Variants in GXYLT2 observed in about 807,000 individuals in gnomAD.
GXYLT2 encodes glycosyltransferase 8 domain containing 4.
A neutral mutation model predicts 45.8 loss-of-function variants in GXYLT2; 53 were observed. The observed-to-expected ratio is 1.16, with a 90% CI of 0.93 to 1.46. The LOEUF (loss-of-function observed/expected upper bound fraction) is 1.46, where lower values mean the gene tolerates loss of function less well. GXYLT2 is among the 40% of genes most tolerant of loss of function. GXYLT2 has a pLI of 0.00. For synonymous variants in GXYLT2, 219 were observed against 214.2 expected, an observed-to-expected ratio of 1.02 and a Z score of -0.19; for missense variants, 551 against 544.4, an observed-to-expected ratio of 1.01 and a Z score of -0.12.
intron 2 of GXYLT2, among the ~76,000 whole-genome samples, chr3:72,910,631 G>A (rs1206476704): frequency 6.6e-6 from 1 of 152,184 alleles, no homozygotes; most frequent in Non-Finnish European, 1.5e-5. Flanking sequence ...TTAGGTTTGG[G>A]ACGGAAGTAG....
In GXYLT2 at chr3:72,902,760, A is replaced by G. The variant is rs538461544; in HGVS notation, c.276-5607A>G. Reference sequence around the variant, plus strand: ...CCAGGCATGGTGGCTCATGCCTGTAATCCCAGCACTTTGGGAGGCCAAGGC... The same window carrying G: ...CCAGGCATGGTGGCTCATGCCTGTAGTCCCAGCACTTTGGGAGGCCAAGGC... On this transcript the variant is annotated intron_variant, in intron 1 of 6. Transcript: ENST00000389617. Among the ~76,000 whole-genome samples, 877 of 146,662 alleles carry G rather than the reference A, an allele frequency of 6.0e-3. 11 individuals are homozygous for G. Among genetic ancestry groups the G allele is most frequent in the African/African-American group, 0.02 (811 of 40,486 alleles).
At chr3:72,950,628 TAA>T (rs36027041) in intron 3 of GXYLT2, among the ~76,000 whole-genome samples, 1 of 145,392 alleles carries the variant, frequency 6.9e-6, no homozygotes, top group Non-Finnish European at 1.5e-5. Context: ...AAACCCTGTC[TAA>T]AAAAAAAAAA....
At chr3:72,889,199 A>G (rs1709130440) in intron 1 of GXYLT2, among the ~76,000 whole-genome samples, 1 of 152,070 alleles carries the variant, frequency 6.6e-6, no homozygotes, top group Non-Finnish European at 1.5e-5. Flanking sequence ...TTTTCATCAG[A>G]GAGCTTTATT....
chr3:72,902,980 C>T (rs1206557704), intron 1 of GXYLT2, among the ~76,000 whole-genome samples: 1 of 152,140 alleles, frequency 6.6e-6, no homozygotes, highest in Non-Finnish European at 1.5e-5. Context: ...CCATTGCACT[C>T]CAGCCTTTGC....
chr3:72,945,593 G>A lies in GXYLT2; in HGVS notation c.601-9505G>A, dbSNP rs190502994. Among the ~76,000 whole-genome samples, 291 of 152,300 alleles carry A rather than the reference G, an allele frequency of 1.9e-3. 3 individuals carry two copies. Among genetic ancestry groups the A allele is most frequent in the Admixed American group, 0.011 (168 of 15,292 alleles). ...ATGAAGAGAAAATGGAAGGAAGGAA[G>A]GGGGAGCCCTCTGGGAAAATCTTTC... On this transcript the variant is annotated intron_variant, in intron 3 of 6. Coordinates refer to ENST00000389617, the MANE Select transcript of GXYLT2 (RefSeq NM_001080393.2).
In GXYLT2 at chr3:72,958,635, T is replaced by G. The variant is rs1433560882; in HGVS notation, c.976+1283T>G. On this transcript the variant is annotated intron_variant, in intron 5 of 6. Coordinates refer to ENST00000389617, the MANE Select transcript of GXYLT2 (RefSeq NM_001080393.2). Reference sequence around the variant, plus strand: ...CTTAGCTGTTCACTTGTGGCTTTTTTTTTTTTTTTTTTTTGGGACAGAGTC... The same window carrying G: ...CTTAGCTGTTCACTTGTGGCTTTTTGTTTTTTTTTTTTTTGGGACAGAGTC... Among the ~76,000 whole-genome samples, 17 of 148,506 alleles carry G rather than the reference T, an allele frequency of 1.1e-4. No homozygotes were observed. In the South Asian group the frequency reaches 3.7e-3, roughly 32 times the overall value.
rs956183922 is a variant in GXYLT2, at chr3:72,908,635, A to C, written c.468+76A>C. ...CATTTTAGGAACTGCATATTCTGTT[A>C]ACTAATGTATTTTGCTGCATGTTCA... On this transcript the variant is annotated intron_variant, in intron 2 of 6. Transcript: ENST00000389617. 2.6e-6 allele frequency: 3 copies of C among 1,175,404 alleles called. No homozygotes were observed. The African/African-American group carries it at 4.6e-5, about 18-fold the overall frequency. 72.8% of individuals were successfully genotyped at this position (1,175,404 alleles called of 1,614,324 possible).
intron 1 of GXYLT2, among the ~76,000 whole-genome samples, chr3:72,900,969 A>G (rs1047644077): frequency 5.9e-5 from 9 of 151,680 alleles, no homozygotes; most frequent in Non-Finnish European, 1.2e-4. Context: ...CCTGGCCAAC[A>G]TGGTGCAACC....
intron 3 of GXYLT2, among the ~76,000 whole-genome samples, chr3:72,928,184 GA>G (rs2107109029): frequency 1.3e-5 from 2 of 152,332 alleles, no homozygotes; most frequent in East Asian, 1.9e-4. Context: ...GAGCCCTGTG[GA>G]ATTGCTCCCC....
chr3:72,898,733 T>C (rs1194012236), intron 1 of GXYLT2, among the ~76,000 whole-genome samples: 1 of 150,228 alleles, frequency 6.7e-6, no homozygotes, highest in Non-Finnish European at 1.5e-5. Flanking sequence ...CTTTTTCTTT[T>C]CTTTTCTTTT....
At chr3:72,942,823 A>T (rs78389524) in intron 3 of GXYLT2, among the ~76,000 whole-genome samples, 8 of 152,186 alleles carry the variant, frequency 5.3e-5, no homozygotes, top group Non-Finnish European at 7.3e-5. Flanking sequence ...TGACAAATAA[A>T]TTCAGTGTTT....
In GXYLT2 at chr3:72,930,174, C is replaced by CAA. The variant is rs5850088; in HGVS notation, c.600+7849_600+7850dup. 6.7e-3 allele frequency among the ~76,000 whole-genome samples: 991 copies of CAA among 147,452 alleles called. 5 individuals are homozygous for CAA. The highest frequency in any genetic ancestry group is 9.1e-3 in the Admixed American group (135 of 14,844). On this transcript the variant is annotated intron_variant, in intron 3 of 6. Transcript: ENST00000389617. ...AGGGCGAAACTCCATCTCAAAAAAA[C>CAA]AAAAAAAAAAACAGAGTTGCAGTTA...
At chr3:72,927,655 G>A (rs1709944363) in intron 3 of GXYLT2, among the ~76,000 whole-genome samples, 1 of 151,980 alleles carries the variant, frequency 6.6e-6, no homozygotes, top group African/African-American at 2.4e-5. Context: ...ACACATATAG[G>A]AATATATTAA....
intron 1 of GXYLT2, among the ~76,000 whole-genome samples, chr3:72,889,376 C>A (rs1033426426): frequency 6.6e-6 from 1 of 152,152 alleles, no homozygotes; most frequent in African/African-American, 2.4e-5. Context: ...GTTTGCTGGG[C>A]TCCTTAATTT....
chr3:72,899,030 C>T (rs557900451), intron 1 of GXYLT2, among the ~76,000 whole-genome samples: 1 of 152,296 alleles, frequency 6.6e-6, no homozygotes, highest in South Asian at 2.1e-4. Flanking sequence ...CGCGCCCGGC[C>T]AGAGAGGGCT....
At position 72,967,684 on chromosome 3, in the gene GXYLT2, C is replaced by T; in HGVS notation, c.1114C>T (p.Pro372Ser). The T allele has an allele frequency of 1.2e-6, 2 of 1,613,924 alleles. No individual in the cohort carries two copies. Among genetic ancestry groups the T allele is most frequent in the Non-Finnish European group, 1.7e-6 (2 of 1,179,858 alleles). Residue 372 changes from proline to serine, a missense_variant, in exon 6 of 7, where the codon CCA becomes TCA. Physicochemically the swap from Pro to Ser is moderately conservative, Grantham distance 74. Coordinates refer to ENST00000389617, the MANE Select transcript of GXYLT2 (RefSeq NM_001080393.2). ...AGGCGTCTACCATGACGATAAGCAA[C>T]CAACGTTCAGAGCACTCTATGAAGC... ...NRGVYHDDKQ[P>S]TFRALYEAIR...
intron 5 of GXYLT2, among the ~76,000 whole-genome samples, chr3:72,964,896 T>C (rs926865623): frequency 1.3e-5 from 2 of 152,168 alleles, no homozygotes; most frequent in African/African-American, 4.8e-5. Context: ...ATATGACCCA[T>C]TGGGTGACAA....
In GXYLT2 at chr3:72,955,095, A is replaced by G; in HGVS notation, c.601-3A>G. On this transcript the variant is annotated splice_polypyrimidine_tract_variant and splice_region_variant and intron_variant, in intron 3 of 6. Coordinates refer to ENST00000389617, the MANE Select transcript of GXYLT2 (RefSeq NM_001080393.2). ...CCTTTACACCCACTCCTTACACACA[A>G]AGGTGATTTTAAAGGATGTGGACTC... The G allele has an allele frequency of 6.2e-7, 1 of 1,613,410 alleles. No individual in the cohort carries two copies. The highest frequency in any genetic ancestry group is 8.5e-7 in the Non-Finnish European group (1 of 1,179,432).
At chr3:72,889,793 C>T (rs1355530443) in intron 1 of GXYLT2, among the ~76,000 whole-genome samples, 2 of 151,872 alleles carry the variant, frequency 1.3e-5, no homozygotes, top group Non-Finnish European at 2.9e-5. Context: ...TTGCCAGGGA[C>T]AGTGCTAACC....
Sources: allele counts gnomAD v4.1 joint callset (sites outside exome capture counted in the v4.1 genomes callset), GRCh38; gene constraint gnomAD v4.1.1; transcripts MANE v1.5; gene names NCBI Gene and HGNC (gene_info 2026-07-23, HGNC 2026-07-21).